Variants in GGA2 observed in about 807,000 individuals in gnomAD.
GGA2 encodes golgi associated, gamma adaptin ear containing, ARF binding protein 2, also known as ADP-ribosylation factor-binding protein GGA2.
GGA2 carries 48 observed loss-of-function variants against 79.5 expected under a neutral mutation model. That is an observed-to-expected ratio of 0.60 (90% confidence interval 0.48 to 0.77). GGA2 has a LOEUF of 0.77. GGA2 is among the 30% of genes least tolerant of loss of function. The pLI is 0.00. For missense variants in GGA2, 770 were observed against 774.0 expected, an observed-to-expected ratio of 0.99 and a Z score of 0.06; for synonymous variants, 317 against 302.0, an observed-to-expected ratio of 1.05 and a Z score of -0.51.
At chr16:23,510,045 T>C (rs536893668) in intron 1 of GGA2, among the ~76,000 whole-genome samples, 319 of 99,254 alleles carry the variant, frequency 3.2e-3, no homozygotes, top group African/African-American at 0.012. Context: ...CACGTAGCCA[T>C]TGGGGTGGGG....
chr16:23,502,410 C>G (rs1022643178), intron 1 of GGA2, among the ~76,000 whole-genome samples: 1 of 152,194 alleles, frequency 6.6e-6, no homozygotes, highest in African/African-American at 2.4e-5. Flanking sequence ...GAAGTGAAAA[C>G]TGAATTTACC....
intron 13 of GGA2, among the ~76,000 whole-genome samples, chr16:23,475,336 C>G (rs796126452): frequency 2.6e-5 from 4 of 151,606 alleles, no homozygotes; most frequent in African/African-American, 7.2e-5. Context: ...ATTACAGGCA[C>G]CTGCCACCAT....
At position 23,494,454 on chromosome 16, in the gene GGA2, A is replaced by T. The variant is rs919853040; in HGVS notation, c.177-76T>A. ...CCCGAGTGGCTGAGCATGCTCAGTA[A>T]AATCACTTTTCTTCCAGGGGCTGGT... is the stretch of plus-strand genomic sequence containing the variant. On this transcript the variant is annotated intron_variant, in intron 2 of 16. Coordinates refer to ENST00000309859, the MANE Select transcript of GGA2 (RefSeq NM_015044.4). 8 of 956,706 alleles carry T rather than the reference A, an allele frequency of 8.4e-6. No homozygotes were observed. The Admixed American group carries it at 8.6e-5, about 10-fold the overall frequency. 59.3% of individuals were successfully genotyped at this position (956,706 alleles called of 1,614,324 possible). A position where few individuals can be genotyped will look rare whatever the true frequency, so the allele number is the denominator to read the frequency against.
In GGA2 at chr16:23,467,515, C is replaced by T. The variant is rs530672665; in HGVS notation, c.*75G>A. 2.6e-6 allele frequency: 2 copies of T among 771,996 alleles called. No individual in the cohort carries two copies. Among genetic ancestry groups the T allele is most frequent in the African/African-American group, 1.7e-5 (1 of 58,692 alleles). 47.8% of individuals were successfully genotyped at this position (771,996 alleles called of 1,614,324 possible). Reference sequence around the variant, plus strand: ...ACTCTTGGCACTCCGCACTGAAACACCGTGATTAGTCCTGACTAGACAGCA... The same window carrying T: ...ACTCTTGGCACTCCGCACTGAAACATCGTGATTAGTCCTGACTAGACAGCA... On this transcript the variant is annotated 3_prime_UTR_variant, in exon 17 of 17. Coordinates refer to ENST00000309859, the MANE Select transcript of GGA2 (RefSeq NM_015044.4).
chr16:23,513,505 C>T (rs544303026), upstream of GGA2, among the ~76,000 whole-genome samples: 2 of 152,182 alleles, frequency 1.3e-5, no homozygotes, highest in East Asian at 1.9e-4. Flanking sequence ...AATTCTCAGT[C>T]GGGCATGGTG....
upstream of GGA2, among the ~76,000 whole-genome samples, chr16:23,515,125 T>A (rs896247346): frequency 5.3e-5 from 8 of 151,576 alleles, no homozygotes; most frequent in African/African-American, 1.9e-4. Flanking sequence ...ATGGGGTTTT[T>A]TTTTTCCTTA....
Position 23,486,986 on chromosome 16 carries a change from T to TTTG in GGA2, c.580-197_580-196insCAA, listed in dbSNP as rs1301033661. On this transcript the variant is annotated intron_variant, in intron 6 of 16. Coordinates refer to ENST00000309859, the MANE Select transcript of GGA2 (RefSeq NM_015044.4). ...CACCACTGGTTTTCTTTTCTGTTGT[T>TTTG]TTTTTTTTTTTTTTGAGACGGGGTC... 4.1e-5 allele frequency among the ~76,000 whole-genome samples: 6 copies of TTTG among 146,152 alleles called. No homozygotes were observed. The East Asian group carries it at 5.9e-4, about 14-fold the overall frequency.
chr16:23,498,382 G>A (rs998615826), intron 1 of GGA2, among the ~76,000 whole-genome samples: 4 of 151,852 alleles, frequency 2.6e-5, no homozygotes, highest in African/African-American at 9.7e-5. Context: ...AGCTATGATT[G>A]TGCAACTGCA....
rs1964419750 is a variant in GGA2 at position 23,465,180 on chromosome 16, C to T, written c.*2410G>A. ...GCTTTTAAAAAAACAGAGACACGGT[C>T]TCACTATGTAGCCCAGGCTGGACTT... On this transcript the variant is annotated 3_prime_UTR_variant, in exon 17 of 17. Transcript: ENST00000309859. 2 of 600,874 alleles carry T rather than the reference C, an allele frequency of 3.3e-6. No homozygotes were observed. Among genetic ancestry groups the T allele is most frequent in the Admixed American group, 5.8e-5 (2 of 34,530 alleles). 37.2% of individuals were successfully genotyped at this position (600,874 alleles called of 1,614,324 possible).
chr16:23,510,906 CGTGTGTGTGTGTGTGTGTGTGTGTGT>C (rs150030103), upstream of GGA2, among the ~76,000 whole-genome samples: 102 of 49,068 alleles, frequency 2.1e-3, no homozygotes, highest in African/African-American at 6.4e-3. Context: ...TGGGTTTCAC[CGTGTGTGTGTGTGTGTGTGTGTGTGT>C]GTGTGTGTGT....
rs1964974998 is a variant in GGA2 at position 23,506,479 on chromosome 16, C to T, written c.91+3842G>A. On this transcript the variant is annotated intron_variant, in intron 1 of 16. Coordinates refer to ENST00000309859, the MANE Select transcript of GGA2 (RefSeq NM_015044.4). The stretch of plus-strand genomic sequence containing the variant: ...CAGCGGGGAGATGGGTAGGAGTGAT[C>T]CCATCCCACTCAACCCTGGGGAAAC... Among the ~76,000 whole-genome samples, 2 of 152,134 alleles carry T rather than the reference C, an allele frequency of 1.3e-5. 1 individual carries two copies. The highest frequency in any genetic ancestry group is 4.1e-4 in the South Asian group (2 of 4,830).
intron 1 of GGA2, among the ~76,000 whole-genome samples, chr16:23,506,698 G>A (rs1028135648): frequency 9.9e-5 from 15 of 152,046 alleles, no homozygotes; most frequent in African/African-American, 3.6e-4. Flanking sequence ...GTCCGGGTGG[G>A]CCCACTTCGG....
At chr16:23,481,945 G>C (rs933573178) in intron 9 of GGA2, among the ~76,000 whole-genome samples, 1 of 151,800 alleles carries the variant, frequency 6.6e-6, no homozygotes, top group Non-Finnish European at 1.5e-5. Context: ...AGGGCAATCT[G>C]AACACTGACT....
At position 23,467,452 on chromosome 16, in the gene GGA2, G is replaced by C. The variant is rs1244073526; in HGVS notation, c.*138C>G. 1.8e-6 allele frequency: 1 copy of C among 543,794 alleles called. No individual in the cohort carries two copies. The highest frequency in any genetic ancestry group is 2.3e-5 in the African/African-American group (1 of 43,764). 33.7% of individuals were successfully genotyped at this position (543,794 alleles called of 1,614,324 possible). On this transcript the variant is annotated 3_prime_UTR_variant, in exon 17 of 17. Transcript: ENST00000309859. ...CACACACAGAGCATCTGCAGAATAA[G>C]TCAGAGGTTGACACCCAGAGCCTGA...
chr16:23,478,825 AAGGGCAGGTCTG>A, intron 12 of GGA2, 46 bp downstream of exon 12: 1 of 1,222,966 alleles, frequency 8.2e-7, no homozygotes, highest in Non-Finnish European at 1.2e-6. Context: ...GCTGCCTCAC[AAGGGCAGGTCTG>A]AGACCCTCCC....
At chr16:23,478,623 T>C (rs1326583435) in intron 12 of GGA2, 122 bp from the exon 13 acceptor site, 7 of 961,990 alleles carry the variant, frequency 7.3e-6, no homozygotes, top group African/African-American at 1.6e-5. Context: ...GTGACATCTC[T>C]TGGGGCAAGA....
At chr16:23,507,213 G>A (rs745554557) in intron 1 of GGA2, among the ~76,000 whole-genome samples, 9 of 152,004 alleles carry the variant, frequency 5.9e-5, no homozygotes, top group Non-Finnish European at 1.2e-4. Context: ...GAAAACCCAC[G>A]ATATTTCACT....
intron 1 of GGA2, among the ~76,000 whole-genome samples, chr16:23,496,791 T>C (rs1964861710): frequency 6.6e-6 from 1 of 152,044 alleles, no homozygotes; most frequent in African/African-American, 2.4e-5. Context: ...ACCCTGTGTC[T>C]ACTAAAAATA....
rs1279341349 is a variant in GGA2, at chr16:23,486,248, C to T, written c.661-96G>A. ...AAAGAGTCACTATTGAGAGAGCTCG[C>T]TCAGGGGCATCACCAGGATGTTAAG... On this transcript the variant is annotated intron_variant, in intron 7 of 16. Coordinates refer to ENST00000309859, the MANE Select transcript of GGA2 (RefSeq NM_015044.4). The T allele has an allele frequency of 8.3e-6, 9 of 1,083,844 alleles. No individual in the cohort carries two copies. In the Admixed American group the frequency reaches 1.7e-4, roughly 21 times the overall value. 67.1% of individuals were successfully genotyped at this position (1,083,844 alleles called of 1,614,324 possible). A position where few individuals can be genotyped will look rare whatever the true frequency, so the allele number is the denominator to read the frequency against.
Sources: allele counts gnomAD v4.1 joint callset (sites outside exome capture counted in the v4.1 genomes callset), GRCh38; gene constraint gnomAD v4.1.1; transcripts MANE v1.5; gene names NCBI Gene and HGNC (gene_info 2026-07-23, HGNC 2026-07-21).